Variants in ZSWIM4 observed in about 807,000 individuals in gnomAD.
The protein encoded by ZSWIM4 is zinc finger SWIM-type containing 4.
ZSWIM4 carries 62 observed loss-of-function variants against 102.5 expected under a neutral mutation model. The ratio of observed to expected loss-of-function variants is 0.60; its 90% CI spans 0.49 to 0.75. ZSWIM4 has a LOEUF of 0.75. Among genes scored for constraint, ZSWIM4 ranks in the 30% least tolerant of loss-of-function variants. The pLI is 0.00. For synonymous variants in ZSWIM4, 652 were observed against 674.5 expected (o/e 0.97, Z 0.52); for missense variants, 1,280 against 1,529.6 (o/e 0.84, Z 2.72).
chr19:13,831,412 C>CT lies in ZSWIM4; in HGVS notation c.*363dup, dbSNP rs879829683. On this transcript the variant is annotated 3_prime_UTR_variant, in exon 14 of 14. Coordinates refer to ENST00000590508, the MANE Select transcript of ZSWIM4 (RefSeq NM_001367834.3). ...GCAGGACTTTCCAGAAATCGACCCTCTAAGTCAATGTAGCACATTTTCCCC... is the reference window on the plus strand; with the variant it reads ...GCAGGACTTTCCAGAAATCGACCCTCTTAAGTCAATGTAGCACATTTTCCCC... 2 of 200,350 alleles carry CT rather than the reference C, an allele frequency of 1.0e-5. No individual in the cohort carries two copies. The highest frequency in any genetic ancestry group is 2.3e-5 in the African/African-American group (1 of 42,854). 12.4% of individuals were successfully genotyped at this position (200,350 alleles called of 1,614,324 possible). A position where few individuals can be genotyped will look rare whatever the true frequency, so the allele number is the denominator to read the frequency against.
chr19:13,810,059 A>C (rs187953698), intron 5 of ZSWIM4, among the ~76,000 whole-genome samples: 57 of 147,938 alleles, frequency 3.9e-4, no homozygotes, highest in African/African-American at 1.4e-3. Context: ...CAGTGGTACT[A>C]TCTTGGCTCA....
intron 1 of ZSWIM4, among the ~76,000 whole-genome samples, chr19:13,797,764 C>T (rs1244553609): frequency 1.3e-5 from 2 of 152,038 alleles, no homozygotes; most frequent in Non-Finnish European, 2.9e-5. Context: ...GCAATTCTCC[C>T]GCCTCAGCCT....
At chr19:13,796,397 A>G (rs1381159946) in intron 1 of ZSWIM4, among the ~76,000 whole-genome samples, 1 of 151,606 alleles carries the variant, frequency 6.6e-6, no homozygotes, top group Non-Finnish European at 1.5e-5. Context: ...CCAAGTAAAT[A>G]ACTCCCCCAT....
At chr19:13,812,782 C>G (rs1007716631) in intron 5 of ZSWIM4, among the ~76,000 whole-genome samples, 15 of 152,070 alleles carry the variant, frequency 9.9e-5, no homozygotes, top group African/African-American at 3.6e-4. Context: ...CTAATCCCAA[C>G]TTCTAACTTA....
intron 3 of ZSWIM4, among the ~76,000 whole-genome samples, chr19:13,805,929 C>T (rs1190701491): frequency 6.7e-6 from 1 of 149,798 alleles, no homozygotes; most frequent in Admixed American, 6.6e-5. Context: ...TGACATCGCG[C>T]CATTGCACTC....
At chr19:13,817,447 C>T (rs567337595) in intron 8 of ZSWIM4, 94 bp downstream of exon 8, 5 of 1,505,176 alleles carry the variant, frequency 3.3e-6, no homozygotes, top group Non-Finnish European at 2.7e-6. Flanking sequence ...AACTCCCAGA[C>T]TCTGACCCTT....
chr19:13,819,447 C>T lies in ZSWIM4; in HGVS notation c.2015C>T (p.Pro672Leu), dbSNP rs1314294512. 1.9e-6 allele frequency: 3 copies of T among 1,609,792 alleles called. No individual in the cohort carries two copies. Among genetic ancestry groups the T allele is most frequent in the African/African-American group, 1.3e-5 (1 of 74,858 alleles). The change falls in exon 10 of 14, where the codon CCT becomes CTT. Residue 672 changes from proline (P) to leucine (L), a missense_variant. Physicochemically the swap from Pro to Leu is moderately conservative, Grantham distance 98. Transcript: ENST00000590508. ...CARYLFTALL[P>L]HDPDLAYRLA... Reference sequence around the variant, plus strand: ...CGCTACCTGTTCACCGCACTGCTGCCTCATGACCCGGACCTGGCCTATCGC... The same window carrying T: ...CGCTACCTGTTCACCGCACTGCTGCTTCATGACCCGGACCTGGCCTATCGC...
At chr19:13,819,620 T>C in intron 10 of ZSWIM4, 128 bp downstream of exon 10, 1 of 904,548 alleles carries the variant, frequency 1.1e-6, no homozygotes, top group Non-Finnish European at 1.5e-6. Context: ...TCTCTCACCC[T>C]GGCATTTGAT....
At chr19:13,806,882 C>T (rs345628) in intron 3 of ZSWIM4, among the ~76,000 whole-genome samples, 1,825 of 151,724 alleles carry the variant, frequency 0.012, 13 homozygotes, top group South Asian at 0.023. Context: ...GGATCAACAT[C>T]GTGGGTGGGC....
rs1377447924 is a variant in ZSWIM4, at chr19:13,804,854, C to A, written c.418C>A (p.His140Asn). The A allele has an allele frequency of 2.1e-5, 34 of 1,612,852 alleles. No homozygotes were observed. The highest frequency in any genetic ancestry group is 2.7e-5 in the Non-Finnish European group (32 of 1,179,586). The change falls in exon 3 of 14, where the codon CAT becomes AAT. Residue 140 changes from histidine to asparagine, a missense_variant. By Grantham distance (68) the His-to-Asn change is moderately conservative. Transcript: ENST00000590508. ...GSPGEPERLY[H>N]VSISFDRCKI... ...TCCTGGAGAGCCCGAGCGCCTCTAC[C>A]ATGTCTCCATCAGCTTTGATCGCTG... is the stretch of plus-strand genomic sequence containing the variant.
intron 5 of ZSWIM4, among the ~76,000 whole-genome samples, chr19:13,810,971 T>G (rs1975070163): frequency 7.1e-6 from 1 of 140,968 alleles, no homozygotes. Flanking sequence ...TGTAGTGCAG[T>G]GGCACGATCT....
Position 13,805,078 on chromosome 19 carries a change from G to A in ZSWIM4, c.642G>A (p.Glu214=), listed in dbSNP as rs577485988. Residue 214 remains glutamate, a synonymous_variant, in exon 3 of 14, where the codon GAG becomes GAA. Transcript: ENST00000590508. ...VQYLISAHHT[E]VLPTAQRLAD... is the part of the protein sequence containing the mutation. ...ACCTCATCAGCGCCCATCACACTGA[G>A]GTGCTGCCCACTGCTCAGCGCTTGG... 1.2e-6 allele frequency: 2 copies of A among 1,607,416 alleles called. No individual in the cohort carries two copies. The highest frequency in any genetic ancestry group is 1.1e-5 in the South Asian group (1 of 91,082).
At position 13,817,715 on chromosome 19, in the gene ZSWIM4, C is replaced by T; in HGVS notation, c.1670-7C>T. The T allele has an allele frequency of 6.2e-7, 1 of 1,607,548 alleles. No homozygotes were observed. The highest frequency in any genetic ancestry group is 8.5e-7 in the Non-Finnish European group (1 of 1,177,862). ...GTCTCCAGCAGCCCTGGCCCTGTCT[C>T]CCCCAGACTCAGGCCCCGAGAAGCG... On this transcript the variant is annotated splice_polypyrimidine_tract_variant and splice_region_variant and intron_variant, in intron 8 of 13. Coordinates refer to ENST00000590508, the MANE Select transcript of ZSWIM4 (RefSeq NM_001367834.3).
At position 13,795,449 on chromosome 19, in the gene ZSWIM4, G is replaced by A. The variant is rs946648627; in HGVS notation, c.-200G>A. 1 of 195,724 alleles carries A rather than the reference G, an allele frequency of 5.1e-6. No individual in the cohort carries two copies. The highest frequency in any genetic ancestry group is 2.4e-5 in the African/African-American group (1 of 42,400). The allele number at this position is 195,724 out of a possible 1,614,324, so 12.1% of individuals were successfully genotyped here. On this transcript the variant is annotated 5_prime_UTR_variant, in exon 1 of 14. In the 5' UTR this introduces an upstream ATG that the reference lacks. Coordinates refer to ENST00000590508, the MANE Select transcript of ZSWIM4 (RefSeq NM_001367834.3). ...CGGCGGCTGAAGCAGCTTCATTGTT[G>A]TGAAGAGTCTTAAAGGGGCCGCATC...
rs76197826 is a variant in ZSWIM4, at chr19:13,804,856, T to C, written c.420T>C (p.His140=). 3.4e-3 allele frequency: 5,524 copies of C among 1,613,022 alleles called. 160 individuals carry two copies. The African/African-American group carries it at 0.066, about 19-fold the overall frequency. Residue 140 remains histidine, a synonymous_variant, in exon 3 of 14, where the codon CAT becomes CAC. Transcript: ENST00000590508. ...CTGGAGAGCCCGAGCGCCTCTACCA[T>C]GTCTCCATCAGCTTTGATCGCTGCA... ...GSPGEPERLY[H]VSISFDRCKI...
chr19:13,825,736 G>A lies in ZSWIM4; in HGVS notation c.2379+23G>A, dbSNP rs774292774. ...CAGGTGAGGGCTGCCAGGTGGATGC[G>A]GGAGGGCGATGGTGGCTCGGGGCCA... is the stretch of plus-strand genomic sequence containing the variant. On this transcript the variant is annotated intron_variant, in intron 12 of 13. Transcript: ENST00000590508. The surrounding 1 kb of genome is among the most constrained non-coding windows in gnomAD (Gnocchi z 4.6). The A allele has an allele frequency of 1.4e-5, 22 of 1,596,776 alleles. 2 individuals are homozygous for A. The highest frequency in any genetic ancestry group is 5.5e-5 in the South Asian group (5 of 90,320).
At chr19:13,804,340 C>A (rs773967829) in intron 2 of ZSWIM4, among the ~76,000 whole-genome samples, 4 of 136,060 alleles carry the variant, frequency 2.9e-5, no homozygotes, top group Non-Finnish European at 4.7e-5. Flanking sequence ...CATGGTGGCG[C>A]ATGCCTGTAA....
rs1279133813 is a variant in ZSWIM4, at chr19:13,817,856, C to G, written c.1804C>G (p.Leu602Val). ...LGQQRALPEG[L>V]YAQDKVVRNE... ...GCAGCAGCGGGCCCTGCCGGAGGGGCTGTACGCCCAGGACAAGGTGGTGCG... is the reference window on the plus strand; with the variant it reads ...GCAGCAGCGGGCCCTGCCGGAGGGGGTGTACGCCCAGGACAAGGTGGTGCG... Residue 602 changes from leucine (L) to valine (V), a missense_variant, in exon 9 of 14, where the codon CTG becomes GTG. By Grantham distance (32) the Leu-to-Val change is conservative (BLOSUM62 1). Coordinates refer to ENST00000590508, the MANE Select transcript of ZSWIM4 (RefSeq NM_001367834.3). 25 of 1,558,778 alleles carry G rather than the reference C, an allele frequency of 1.6e-5. No homozygotes were observed. Among genetic ancestry groups the G allele is most frequent in the Non-Finnish European group, 1.9e-5 (22 of 1,151,256 alleles).
At chr19:13,829,723 G>A (rs1351133722) in intron 13 of ZSWIM4, among the ~76,000 whole-genome samples, 4 of 152,086 alleles carry the variant, frequency 2.6e-5, no homozygotes, top group Non-Finnish European at 5.9e-5. Flanking sequence ...TACTCAGGAG[G>A]CTGAGGCAGG....
Sources: allele counts gnomAD v4.1 joint callset (sites outside exome capture counted in the v4.1 genomes callset), GRCh38; gene constraint gnomAD v4.1.1; non-coding constraint Gnocchi (gnomAD v3.1); transcripts MANE v1.5; gene names NCBI Gene and HGNC (gene_info 2026-07-23, HGNC 2026-07-21).